Variants in ADAMTS3 observed in about 807,000 individuals in gnomAD.
ADAMTS3 encodes ADAM metallopeptidase with thrombospondin type 1 motif 3.
Under a neutral mutation model 129.0 loss-of-function variants are expected in ADAMTS3, and 73 were observed. That is an observed-to-expected ratio of 0.57 (90% CI 0.47 to 0.69). The LOEUF (loss-of-function observed/expected upper bound fraction) is 0.69, where lower values mean the gene tolerates loss of function less well. Among genes scored for constraint, ADAMTS3 ranks in the 30% least tolerant of loss-of-function variants. The pLI, the probability that ADAMTS3 is intolerant of heterozygous loss-of-function variation, is 0.00. For missense variants in ADAMTS3, 1,457 were observed against 1,514.5 expected, an observed-to-expected ratio of 0.96 and a Z score of 0.63; for synonymous variants, 477 against 510.8, an observed-to-expected ratio of 0.93 and a Z score of 0.89.
chr4:72,304,580 A>C (rs1719035834), intron 16 of ADAMTS3, among the ~76,000 whole-genome samples: 1 of 152,066 alleles, frequency 6.6e-6, no homozygotes, highest in African/African-American at 2.4e-5. Context: ...TTTAGTTCTC[A>C]TGATTGTAAA....
At chr4:72,297,657 G>A (rs1011071240) in intron 18 of ADAMTS3, among the ~76,000 whole-genome samples, 1 of 152,114 alleles carries the variant, frequency 6.6e-6, no homozygotes, top group African/African-American at 2.4e-5. Flanking sequence ...GCACAGTGCA[G>A]TGAGTGAGAG....
chr4:72,283,519 G>A lies in ADAMTS3; in HGVS notation c.3235C>T (p.Leu1079Phe). 6.2e-7 allele frequency: 1 copy of A among 1,614,060 alleles called. No homozygotes were observed. Among genetic ancestry groups the A allele is most frequent in the Non-Finnish European group, 8.5e-7 (1 of 1,179,968 alleles). Residue 1079 changes from leucine (L) to phenylalanine (F), a missense_variant, in exon 22 of 22, where the codon CTC becomes TTC. Physicochemically the swap from Leu to Phe is conservative, Grantham distance 22. Coordinates refer to ENST00000286657, the MANE Select transcript of ADAMTS3 (RefSeq NM_014243.3). ...HDDVISNPSD[L>F]PRSLVMPTSL... Reference sequence around the variant, plus strand: ...GTAGGCATCACTAGAGATCTAGGGAGGTCACTAGGGTTAGAGATGACATCA... The same window carrying A: ...GTAGGCATCACTAGAGATCTAGGGAAGTCACTAGGGTTAGAGATGACATCA...
intron 3 of ADAMTS3, among the ~76,000 whole-genome samples, chr4:72,424,862 C>T (rs1722530790): frequency 6.6e-6 from 1 of 152,070 alleles, no homozygotes; most frequent in African/African-American, 2.4e-5. Context: ...GCCATAAATC[C>T]TTGGATACTA....
chr4:72,499,679 G>T (rs1042649172), intron 3 of ADAMTS3, among the ~76,000 whole-genome samples: 2 of 151,878 alleles, frequency 1.3e-5, no homozygotes, highest in African/African-American at 4.8e-5. Context: ...TGTTACTTTG[G>T]TATATTGCAT....
intron 4 of ADAMTS3, among the ~76,000 whole-genome samples, chr4:72,347,304 T>G (rs77291695): frequency 0.012 from 1,775 of 151,108 alleles, 25 homozygotes; most frequent in African/African-American, 0.041. Flanking sequence ...TTCCATTTGC[T>G]AAGACAGTTT....
chr4:72,452,293 T>G (rs73825537), intron 3 of ADAMTS3, among the ~76,000 whole-genome samples: 5,017 of 151,042 alleles, frequency 0.033, 274 homozygotes, highest in African/African-American at 0.12. Context: ...TAATTTATTT[T>G]TATTATTAAC....
chr4:72,349,499 A>G (rs1720371259), intron 4 of ADAMTS3, among the ~76,000 whole-genome samples: 1 of 152,086 alleles, frequency 6.6e-6, no homozygotes, highest in Non-Finnish European at 1.5e-5. Flanking sequence ...CCATTCTCCC[A>G]TTTAACGAGC....
intron 20 of ADAMTS3, among the ~76,000 whole-genome samples, chr4:72,289,623 A>G (rs1420349637): frequency 2.0e-5 from 3 of 152,156 alleles, no homozygotes; most frequent in Non-Finnish European, 2.9e-5. Flanking sequence ...TCAGGTTGAA[A>G]TTTAACTGCC....
At chr4:72,342,141 T>C (rs1578597997) in intron 4 of ADAMTS3, among the ~76,000 whole-genome samples, 1 of 152,214 alleles carries the variant, frequency 6.6e-6, no homozygotes, top group South Asian at 2.1e-4. Context: ...TTTCTGGGCA[T>C]AGGCCAAACT....
intron 4 of ADAMTS3, among the ~76,000 whole-genome samples, chr4:72,381,821 T>C (rs1295207893): frequency 6.6e-6 from 1 of 152,156 alleles, no homozygotes; most frequent in African/African-American, 2.4e-5. Context: ...AGTTGTCTGG[T>C]GAAGTAATTA....
At chr4:72,285,413 A>C (rs1718478450) in intron 21 of ADAMTS3, among the ~76,000 whole-genome samples, 1 of 152,066 alleles carries the variant, frequency 6.6e-6, no homozygotes, top group Non-Finnish European at 1.5e-5. Context: ...AATAAGAAAA[A>C]TGTCTTCTTT....
chr4:72,308,649 A>G (rs1719150273), intron 15 of ADAMTS3, among the ~76,000 whole-genome samples: 1 of 151,960 alleles, frequency 6.6e-6, no homozygotes. Context: ...AAACTCAAGA[A>G]ATTATTCAGT....
Position 72,298,325 on chromosome 4 carries a change from CA to C in ADAMTS3, c.2541del (p.Phe847LeufsTer5). 6.2e-7 allele frequency: 1 copy of C among 1,613,122 alleles called. No individual in the cohort carries two copies. Among genetic ancestry groups the C allele is most frequent in the Non-Finnish European group, 8.5e-7 (1 of 1,179,336 alleles). On this transcript the variant is annotated frameshift_variant, in exon 18 of 22. Coordinates refer to ENST00000286657, the MANE Select transcript of ADAMTS3 (RefSeq NM_014243.3). LOFTEE classifies it high-confidence loss of function. ...NNVIQEELDTFEWALKSWSQC... is the reference protein window; with the variant it reads ...NNVIQEELDTXEWALKSWSQC... ...TGAGACCAGCTCTTCAAAGCCCACT[CA>C]AAAGTATCTAATTCTTCCTGGATGA...
At chr4:72,415,508 A>T (rs1389916194) in intron 3 of ADAMTS3, among the ~76,000 whole-genome samples, 5 of 151,950 alleles carry the variant, frequency 3.3e-5, no homozygotes, top group Non-Finnish European at 5.9e-5. Context: ...GCTTCTGTGG[A>T]AATCCCCATT....
chr4:72,321,215 A>G (rs1372513515), intron 6 of ADAMTS3, among the ~76,000 whole-genome samples: 1 of 152,164 alleles, frequency 6.6e-6, no homozygotes, highest in Non-Finnish European at 1.5e-5. Flanking sequence ...TCTCTCACCC[A>G]GGCTGAAGTG....
chr4:72,462,273 A>G (rs1016960545), intron 3 of ADAMTS3, among the ~76,000 whole-genome samples: 4 of 151,942 alleles, frequency 2.6e-5, no homozygotes, highest in Admixed American at 2.6e-4. Context: ...GATTATCAAC[A>G]TCTATAACAA....
intron 2 of ADAMTS3, among the ~76,000 whole-genome samples, chr4:72,550,311 G>A (rs866378871): frequency 6.6e-6 from 1 of 151,848 alleles, no homozygotes; most frequent in African/African-American, 2.4e-5. Flanking sequence ...ATGAACCTAC[G>A]TCTTATGCTC....
At chr4:72,497,116 A>T (rs1033332977) in intron 3 of ADAMTS3, among the ~76,000 whole-genome samples, 2 of 150,716 alleles carry the variant, frequency 1.3e-5, no homozygotes, top group South Asian at 2.1e-4. Context: ...CCACTAATTA[A>T]TAGAATATTT....
chr4:72,540,710 A>G (rs1244665331), intron 3 of ADAMTS3, among the ~76,000 whole-genome samples: 1 of 152,210 alleles, frequency 6.6e-6, no homozygotes, highest in African/African-American at 2.4e-5. Flanking sequence ...CCATGACTAA[A>G]AGGGGCCAAG....
Sources: gnomAD v4.1 joint callset for allele counts (sites outside exome capture counted in the v4.1 genomes callset) on GRCh38, gnomAD v4.1.1 for gene constraint, MANE v1.5 for transcripts, NCBI Gene and HGNC (gene_info 2026-07-23, HGNC 2026-07-21) for gene names.